Variants in KDM4C observed in about 807,000 individuals in gnomAD.
KDM4C encodes the protein lysine demethylase 4C.
A neutral mutation model predicts 129.3 loss-of-function variants in KDM4C; 81 were observed. The ratio of observed to expected loss-of-function variants is 0.63; its 90% CI spans 0.52 to 0.75. The LOEUF is 0.75. Ranked by LOEUF, KDM4C falls within the 30% of genes least tolerant of loss-of-function variation. KDM4C has a pLI of 0.00. For synonymous variants in KDM4C, 573 were observed against 456.1 expected, an observed-to-expected ratio of 1.26 and a Z score of -3.26; for missense variants, 1,457 against 1,304.0, an observed-to-expected ratio of 1.12 and a Z score of -1.81.
Position 6,843,052 on chromosome 9 carries a change from C to G in KDM4C, c.436-6455C>G, listed in dbSNP as rs1214775484. Among the ~76,000 whole-genome samples, 2 of 152,358 alleles carry G rather than the reference C, an allele frequency of 1.3e-5. 1 individual carries two copies. The highest frequency in any genetic ancestry group is 4.1e-4 in the South Asian group (2 of 4,830). ...TCAAGTGATTCTCGTGCCTCAGCCT[C>G]CCGAGTAGCTGGGATTATAGGCATG... On this transcript the variant is annotated intron_variant, in intron 4 of 21. Transcript: ENST00000381309.
chr9:7,033,187 G>A (rs1827074264), intron 15 of KDM4C, among the ~76,000 whole-genome samples: 1 of 150,562 alleles, frequency 6.6e-6, no homozygotes, highest in Non-Finnish European at 1.5e-5. Flanking sequence ...GTCAAGACCA[G>A]GTGATGAGAG....
At chr9:7,074,726 G>C (rs1477731280) in intron 17 of KDM4C, among the ~76,000 whole-genome samples, 1 of 152,068 alleles carries the variant, frequency 6.6e-6, no homozygotes, top group African/African-American at 2.4e-5. Flanking sequence ...TAACCCTAAA[G>C]GACTAGATCA....
chr9:7,139,342 C>A (rs1253893867), intron 19 of KDM4C, among the ~76,000 whole-genome samples: 1 of 152,152 alleles, frequency 6.6e-6, no homozygotes, highest in Non-Finnish European at 1.5e-5. Context: ...TCATTCTTTT[C>A]CCCTGAGTAA....
At chr9:6,814,004 ACATC>A (rs1831631387) in intron 3 of KDM4C, among the ~76,000 whole-genome samples, 1 of 152,160 alleles carries the variant, frequency 6.6e-6, no homozygotes, top group South Asian at 2.1e-4. Context: ...GTTATTGTAC[ACATC>A]TCTCTGTTGT....
chr9:6,840,053 G>T (rs185569139), intron 4 of KDM4C, among the ~76,000 whole-genome samples: 5 of 152,086 alleles, frequency 3.3e-5, no homozygotes, highest in Admixed American at 2.6e-4. Flanking sequence ...TGCTGTTGAG[G>T]AGACTAACTG....
At chr9:7,150,162 C>T (rs891392189) in intron 19 of KDM4C, among the ~76,000 whole-genome samples, 8 of 152,180 alleles carry the variant, frequency 5.3e-5, no homozygotes, top group Non-Finnish European at 8.8e-5. Context: ...TGCCGGAGCC[C>T]CAAACAGTGG....
At chr9:7,031,554 T>C (rs569867632) in intron 15 of KDM4C, among the ~76,000 whole-genome samples, 1 of 152,284 alleles carries the variant, frequency 6.6e-6, no homozygotes, top group Non-Finnish European at 1.5e-5. Flanking sequence ...TTACAAAGAA[T>C]GGAATATACA....
intron 18 of KDM4C, among the ~76,000 whole-genome samples, chr9:7,105,164 A>C (rs138445455): frequency 1.0e-3 from 155 of 152,350 alleles, no homozygotes; most frequent in African/African-American, 3.3e-3. Context: ...AACACCTTAC[A>C]TGACTGTGGT....
chr9:7,001,178 A>G (rs1046732365), intron 12 of KDM4C, among the ~76,000 whole-genome samples: 3 of 152,224 alleles, frequency 2.0e-5, no homozygotes, highest in Non-Finnish European at 2.9e-5. Flanking sequence ...ATATCTTTAT[A>G]CCTGTCAAGT....
At chr9:6,791,592 C>G (rs1047428511) in intron 1 of KDM4C, among the ~76,000 whole-genome samples, 68 of 152,194 alleles carry the variant, frequency 4.5e-4, no homozygotes, top group African/African-American at 1.6e-3. Flanking sequence ...TGTAAGCACA[C>G]CTGAGTAAAC....
chr9:7,056,690 A>G (rs528022925), intron 17 of KDM4C, among the ~76,000 whole-genome samples: 6 of 152,240 alleles, frequency 3.9e-5, no homozygotes, highest in Non-Finnish European at 5.9e-5. Flanking sequence ...CCTGAGGGCT[A>G]ATTTTAAAAA....
In KDM4C at chr9:6,792,957, C is replaced by T; in HGVS notation, c.-17-15C>T. 2 of 1,613,280 alleles carry T rather than the reference C, an allele frequency of 1.2e-6. No homozygotes were observed. The highest frequency in any genetic ancestry group is 1.7e-6 in the Non-Finnish European group (2 of 1,179,540). ...TAATAATTCAGTTCTGTTGACCCTA[C>T]TGTCTTCTCTCCAGACACTGCCCTA... On this transcript the variant is annotated splice_polypyrimidine_tract_variant and intron_variant, in intron 1 of 21. Coordinates refer to ENST00000381309, the MANE Select transcript of KDM4C (RefSeq NM_015061.6).
At chr9:6,759,070 G>C (rs952562458) in intron 1 of KDM4C, among the ~76,000 whole-genome samples, 1 of 152,206 alleles carries the variant, frequency 6.6e-6, no homozygotes, top group Non-Finnish European at 1.5e-5. Context: ...GGTTTTGTCA[G>C]GTTCCTTCTT....
intron 8 of KDM4C, among the ~76,000 whole-genome samples, chr9:6,975,317 T>C (rs1832736836): frequency 6.6e-6 from 1 of 152,228 alleles, no homozygotes; most frequent in African/African-American, 2.4e-5. Flanking sequence ...CCCGGACATT[T>C]ATTTGCAGCT....
chr9:6,916,082 T>C (rs899125510), intron 8 of KDM4C, among the ~76,000 whole-genome samples: 3 of 152,114 alleles, frequency 2.0e-5, no homozygotes, highest in African/African-American at 4.8e-5. Context: ...TGGAAGTATA[T>C]ATTTGGAAGG....
chr9:6,777,581 A>G (rs1428023433), intron 1 of KDM4C, among the ~76,000 whole-genome samples: 1 of 152,164 alleles, frequency 6.6e-6, no homozygotes, highest in Non-Finnish European at 1.5e-5. Flanking sequence ...TTACCTGTCT[A>G]AGACAAGAAA....
chr9:6,850,519 C>A (rs567045206), intron 5 of KDM4C, among the ~76,000 whole-genome samples: 1 of 152,072 alleles, frequency 6.6e-6, no homozygotes, highest in South Asian at 2.1e-4. Context: ...GATCTTGGCT[C>A]ACTGCAACCT....
intron 12 of KDM4C, among the ~76,000 whole-genome samples, chr9:6,998,129 C>CT (rs1462780504): frequency 1.3e-5 from 2 of 152,156 alleles, no homozygotes; most frequent in African/African-American, 4.8e-5. Flanking sequence ...TGTTAAGCAT[C>CT]TTTTTGAAAT....
At chr9:6,735,407 G>A (rs2918186) in intron 1 of KDM4C, among the ~76,000 whole-genome samples, 33,280 of 152,028 alleles carry the variant, frequency 0.22, 3,834 homozygotes, top group Non-Finnish European at 0.24. Flanking sequence ...GATATGCTTT[G>A]GCTGTGTCCC....
Sources: gnomAD v4.1 joint callset for allele counts (sites outside exome capture counted in the v4.1 genomes callset) on GRCh38, gnomAD v4.1.1 for gene constraint, MANE v1.5 for transcripts, NCBI Gene and HGNC (gene_info 2026-07-23, HGNC 2026-07-21) for gene names.